The following SH3RF2 variants were observed in gnomAD, a reference collection of about 807,000 sequenced individuals.
SH3RF2 encodes the protein SH3 domain containing ring finger 2.
SH3RF2 carries 43 observed loss-of-function variants against 59.0 expected under a neutral mutation model. The ratio of observed to expected loss-of-function variants is 0.73; its 90% confidence interval spans 0.57 to 0.94. The LOEUF is 0.94. SH3RF2 is among the 40% of genes least tolerant of loss of function. The pLI is 0.00. For synonymous variants in SH3RF2, 391 were observed against 391.5 expected (o/e 1.00, Z 0.01); for missense variants, 930 against 940.1 (o/e 0.99, Z 0.14).
intron 9 of SH3RF2, among the ~76,000 whole-genome samples, chr5:146,077,561 C>A (rs145126054): frequency 6.6e-6 from 1 of 152,172 alleles, no homozygotes; most frequent in Non-Finnish European, 1.5e-5. Flanking sequence ...TAAATGCTCA[C>A]TTATCCCTAA....
chr5:146,073,553 T>C (rs919180696), intron 9 of SH3RF2, among the ~76,000 whole-genome samples: 11 of 152,256 alleles, frequency 7.2e-5, no homozygotes, highest in African/African-American at 2.2e-4. Flanking sequence ...GCGTCCATTA[T>C]GACCTATGGG....
intron 3 of SH3RF2, 51 bp downstream of exon 3, chr5:146,000,378 A>G (rs1760361591): frequency 3.3e-6 from 5 of 1,519,224 alleles, no homozygotes; most frequent in Non-Finnish European, 4.4e-6. Flanking sequence ...TAGAGACCAT[A>G]GCAGAACAGA....
chr5:145,937,185 TG>T (rs1425130208), intron 1 of SH3RF2: 14 of 149,680 alleles, frequency 9.4e-5, no homozygotes, highest in Admixed American at 8.6e-4. Context: ...AAAAAAAAGA[TG>T]AAAAAAGAAA....
Position 146,056,052 on chromosome 5 carries a change from T to C in SH3RF2, c.1394T>C (p.Val465Ala). The change falls in exon 8 of 10, where the codon GTG (valine) becomes GCG (alanine). Residue 465 changes from valine (V) to alanine (A), a missense_variant. Transcript: ENST00000359120. ...ACATGGACGTTATCCACCTCCTCTGTGTCCTCCCAAGGCAGCATTTCAGAA... is the reference window on the plus strand; with the variant it reads ...ACATGGACGTTATCCACCTCCTCTGCGTCCTCCCAAGGCAGCATTTCAGAA... The part of the protein sequence containing the change: ...YTTWTLSTSS[V>A]SSQGSISEGD... 6.2e-7 allele frequency: 1 copy of C among 1,614,252 alleles called. No homozygotes were observed. Among genetic ancestry groups the C allele is most frequent in the Non-Finnish European group, 8.5e-7 (1 of 1,180,042 alleles).
At chr5:145,980,512 T>A (rs745799801) in intron 2 of SH3RF2, among the ~76,000 whole-genome samples, 1 of 152,238 alleles carries the variant, frequency 6.6e-6, no homozygotes, top group Non-Finnish European at 1.5e-5. Context: ...GAAGGATACT[T>A]AGGCTATTTC....
intron 2 of SH3RF2, among the ~76,000 whole-genome samples, chr5:145,991,967 C>G (rs894071212): frequency 6.6e-6 from 1 of 152,180 alleles, no homozygotes; most frequent in African/African-American, 2.4e-5. Context: ...AAAAATGCAG[C>G]TACTTGAATC....
At chr5:146,049,272 G>A in intron 7 of SH3RF2, 27 bp downstream of exon 7, 1 of 1,579,868 alleles carries the variant, frequency 6.3e-7, no homozygotes, top group Non-Finnish European at 8.6e-7. Context: ...CCCAGACTTT[G>A]GGAGGTTGGG....
At chr5:146,076,507 T>C (rs1189783055) in intron 9 of SH3RF2, among the ~76,000 whole-genome samples, 1 of 152,202 alleles carries the variant, frequency 6.6e-6, no homozygotes, top group African/African-American at 2.4e-5. Flanking sequence ...TGGTATGTAG[T>C]GAAGACAGCA....
chr5:146,007,695 C>G (rs888456963), intron 4 of SH3RF2, among the ~76,000 whole-genome samples: 14 of 152,164 alleles, frequency 9.2e-5, no homozygotes, highest in Non-Finnish European at 1.8e-4. Context: ...GATACAGTTT[C>G]CTGACACTTC....
At chr5:146,074,033 ACT>A (rs1763291455) in intron 9 of SH3RF2, among the ~76,000 whole-genome samples, 1 of 118,110 alleles carries the variant, frequency 8.5e-6, no homozygotes, top group Non-Finnish European at 1.6e-5. Context: ...TTTCATTAAC[ACT>A]CTTTTTTTTT....
Position 146,056,180 on chromosome 5 carries a change from T to A in SH3RF2, c.1522T>A (p.Ser508Thr). 1 of 1,614,008 alleles carries A rather than the reference T, an allele frequency of 6.2e-7. No homozygotes were observed. Among genetic ancestry groups the A allele is most frequent in the Non-Finnish European group, 8.5e-7 (1 of 1,180,002 alleles). Reference protein sequence around the residue: ...TAGPGTLGQGSLRKGRSSMRK... With the variant: ...TAGPGTLGQGTLRKGRSSMRK... ...CGGCCCTGGGACTTTAGGACAAGGG[T>A]CTCTTCGGAAAGGGCGGAGCAGCAT... Residue 508 changes from serine to threonine, a missense_variant, in exon 8 of 10, where the codon TCT becomes ACT. Physicochemically the swap from Ser to Thr is moderately conservative, Grantham distance 58. Coordinates refer to ENST00000359120, the MANE Select transcript of SH3RF2 (RefSeq NM_152550.4).
intron 2 of SH3RF2, among the ~76,000 whole-genome samples, chr5:145,945,999 T>G (rs930874054): frequency 3.3e-5 from 5 of 152,210 alleles, no homozygotes; most frequent in African/African-American, 1.2e-4. Context: ...CTGAAACCCC[T>G]AGCACACATG....
chr5:146,071,785 C>T (rs1002077498), intron 9 of SH3RF2, among the ~76,000 whole-genome samples: 5 of 152,156 alleles, frequency 3.3e-5, no homozygotes, highest in Non-Finnish European at 5.9e-5. Flanking sequence ...CCCTAGACCT[C>T]GTTTTCTCAT....
At position 146,069,568 on chromosome 5, in the gene SH3RF2, G is replaced by C. The variant is rs1763185855; in HGVS notation, c.*33+6834G>C. On this transcript the variant is annotated intron_variant, in intron 9 of 9. Coordinates refer to the SH3RF2 transcript ENST00000511217. ...TTGTGAGGTATGCAGGGAAATGCTT[G>C]TTTATTTTTTGTTTGTTTTTTTGAG... 3.3e-5 allele frequency among the ~76,000 whole-genome samples: 5 copies of C among 151,974 alleles called. No homozygotes were observed. In the South Asian group the frequency reaches 1.0e-3, roughly 32 times the overall value.
intron 5 of SH3RF2, among the ~76,000 whole-genome samples, chr5:146,031,878 C>T (rs1761756490): frequency 6.6e-6 from 1 of 152,132 alleles, no homozygotes; most frequent in Admixed American, 6.5e-5. Context: ...GCATCCCCAG[C>T]ACCATCCCTT....
chr5:146,081,263 T>G (rs1320955887), exon 10 of SH3RF2: 1 of 152,194 alleles, frequency 6.6e-6, no homozygotes, highest in South Asian at 2.1e-4. Flanking sequence ...ATGTTTCTCC[T>G]GGGAGCACGT....
intron 4 of SH3RF2, among the ~76,000 whole-genome samples, chr5:146,011,673 T>A (rs967709166): frequency 6.6e-6 from 1 of 152,118 alleles, no homozygotes; most frequent in South Asian, 2.1e-4. Flanking sequence ...ATGATTTGGC[T>A]CTCTGTTTGT....
At position 145,936,650 on chromosome 5, in the gene SH3RF2, G is replaced by A. The variant is rs1181973200; in HGVS notation, c.-151G>A. ...AGGGCGCAGCGCACCCCTGCTGCGC[G>A]GAGGAGGGGGCTGAGCTGAACTCAG... On this transcript the variant is annotated 5_prime_UTR_variant, in exon 1 of 10. Transcript: ENST00000359120. 6.6e-6 allele frequency: 1 copy of A among 152,378 alleles called. No homozygotes were observed. The highest frequency in any genetic ancestry group is 1.5e-5 in the Non-Finnish European group (1 of 68,164). The allele number at this position is 152,378 out of a possible 1,614,324, so 9.4% of individuals were successfully genotyped here.
chr5:145,987,348 C>T (rs576575967), intron 2 of SH3RF2, among the ~76,000 whole-genome samples: 6 of 152,232 alleles, frequency 3.9e-5, no homozygotes, highest in Non-Finnish European at 7.4e-5. Context: ...CGCACCCTTC[C>T]CCCGAAGCCC....
Sources: allele counts gnomAD v4.1 joint callset (sites outside exome capture counted in the v4.1 genomes callset), GRCh38; gene constraint gnomAD v4.1.1; transcripts MANE v1.5; gene names NCBI Gene and HGNC (gene_info 2026-07-23, HGNC 2026-07-21).